ACP6: variants seen among roughly 807,000 people sequenced by gnomAD.
ACP6 encodes lysophosphatidic acid phosphatase type 6.
In ACP6, 48 loss-of-function variants were observed where a neutral mutation model predicts 48.1. That is an observed-to-expected ratio of 1.00 (90% confidence interval 0.79 to 1.27). The LOEUF (loss-of-function observed/expected upper bound fraction) is 1.27. Ranked by LOEUF, ACP6 falls within the 50% of genes most tolerant of loss-of-function variation. The pLI, the probability that ACP6 is intolerant of heterozygous loss-of-function variation, is 0.00. For missense variants in ACP6, 485 were observed against 529.1 expected (o/e 0.92, Z 0.82); for synonymous variants, 172 against 204.2 (o/e 0.84, Z 1.34).
downstream of ACP6, among the ~76,000 whole-genome samples, chr1:147,638,524 A>T (rs1553208291): frequency 5.9e-5 from 9 of 152,298 alleles, no homozygotes; most frequent in Admixed American, 5.9e-4. Flanking sequence ...TTAAGCTGAG[A>T]TCTAAAATGA....
At chr1:147,652,752 G>GTAA in intron 6 of ACP6, 7 of 372,028 alleles carry the variant, frequency 1.9e-5, no homozygotes, top group South Asian at 7.4e-5. Flanking sequence ...CTGAAGGCCA[G>GTAA]GAAAAAAAAA....
chr1:147,649,547 C>G (rs1659804682), intron 8 of ACP6, among the ~76,000 whole-genome samples: 3 of 151,894 alleles, frequency 2.0e-5, no homozygotes, highest in Admixed American at 6.6e-5. Flanking sequence ...TGGGTTCAAG[C>G]AACTCTCCTG....
At chr1:147,663,785 G>C (rs1484115459) in intron 1 of ACP6, among the ~76,000 whole-genome samples, 1 of 152,048 alleles carries the variant, frequency 6.6e-6, no homozygotes, top group Non-Finnish European at 1.5e-5. Context: ...TGCTTGGAGG[G>C]ACTCCTGTTC....
Position 147,670,142 on chromosome 1 carries a change from C to G in ACP6, c.-94G>C. ...GGGGCTCAGCGGGCGCCCCCAAGTC[C>G]GCGGGAACCTGCGGATGCGTACATC... On this transcript the variant is annotated 5_prime_UTR_variant, in exon 1 of 10. Transcript: ENST00000583509. 1 of 1,218,730 alleles carries G rather than the reference C, an allele frequency of 8.2e-7. No homozygotes were observed. The allele number at this position is 1,218,730 out of a possible 1,614,324, so 75.5% of individuals were successfully genotyped here. A position where few individuals can be genotyped will look rare whatever the true frequency, so the allele number is the denominator to read the frequency against.
At chr1:147,652,183 A>G in intron 7 of ACP6, 1 of 399,710 alleles carries the variant, frequency 2.5e-6, no homozygotes, top group Non-Finnish European at 4.5e-6. Flanking sequence ...TAAACCTTAA[A>G]GCAAAAGGAA....
chr1:147,670,139 G>C lies in ACP6; in HGVS notation c.-91C>G. ...GCCGGGGCTCAGCGGGCGCCCCCAAGTCCGCGGGAACCTGCGGATGCGTAC... is the reference window on the plus strand; with the variant it reads ...GCCGGGGCTCAGCGGGCGCCCCCAACTCCGCGGGAACCTGCGGATGCGTAC... On this transcript the variant is annotated 5_prime_UTR_variant, in exon 1 of 10. Coordinates refer to ENST00000583509, the MANE Select transcript of ACP6 (RefSeq NM_016361.5). 1 of 1,267,164 alleles carries C rather than the reference G, an allele frequency of 7.9e-7. No homozygotes were observed. The highest frequency in any genetic ancestry group is 1.1e-6 in the Non-Finnish European group (1 of 948,398). 78.5% of individuals were successfully genotyped at this position (1,267,164 alleles called of 1,614,324 possible).
At position 147,657,862 on chromosome 1, in the gene ACP6, C is replaced by T. The variant is rs1035833046; in HGVS notation, c.559+1098G>A. Among the ~76,000 whole-genome samples the T allele has an allele frequency of 5.9e-5, 9 of 152,370 alleles. No individual in the cohort carries two copies. In the South Asian group the frequency reaches 1.7e-3, roughly 28 times the overall value. ...CACCTGCACCTGAGGCTAGTGATTT[C>T]CTTCCCTGATGGAAACCTGGGATAT... On this transcript the variant is annotated intron_variant, in intron 4 of 9. Coordinates refer to ENST00000583509, the MANE Select transcript of ACP6 (RefSeq NM_016361.5).
At chr1:147,638,880 A>T (rs782603034), downstream of ACP6, among the ~76,000 whole-genome samples, 2 of 152,216 alleles carry the variant, frequency 1.3e-5, no homozygotes, top group African/African-American at 2.4e-5. Flanking sequence ...TTTTTGAGAC[A>T]GAGTCTTGCT....
intron 4 of ACP6, 75 bp from the exon 5 acceptor site, chr1:147,655,323 T>A: frequency 9.1e-7 from 1 of 1,093,278 alleles, no homozygotes; most frequent in Non-Finnish European, 1.4e-6. Flanking sequence ...CCCCTTCTCT[T>A]TGTCTACAGA....
intron 5 of ACP6, among the ~76,000 whole-genome samples, chr1:147,633,859 G>A (rs1659232835): frequency 1.4e-5 from 2 of 140,650 alleles, no homozygotes; most frequent in African/African-American, 6.0e-5. Context: ...AAAAAATTGT[G>A]GTAAAAAAAT....
Position 147,650,061 on chromosome 1 carries a change from C to T in ACP6, c.977+82G>A, listed in dbSNP as rs587672456. On this transcript the variant is annotated intron_variant, in intron 8 of 9. Coordinates refer to ENST00000583509, the MANE Select transcript of ACP6 (RefSeq NM_016361.5). The stretch of plus-strand genomic sequence containing the variant: ...GTCACTGACAGCCTGGTTCTTGCCT[C>T]ACTAAGATTTGGGTTCCCTCCCTAC... 5 of 1,193,014 alleles carry T rather than the reference C, an allele frequency of 4.2e-6. No homozygotes were observed. The African/African-American group carries it at 6.2e-5, about 15-fold the overall frequency. The allele number at this position is 1,193,014 out of a possible 1,614,324, so 73.9% of individuals were successfully genotyped here.
rs138244724 is a variant in ACP6, at chr1:147,660,169, T to C, written c.220-394A>G. ...AATTTATAAGGAATTAATCTGGAGG[T>C]TTATATGCCCTATCCCAGCTTAAGG... On this transcript the variant is annotated intron_variant, in intron 1 of 9. Transcript: ENST00000583509. Among the ~76,000 whole-genome samples, 1,056 of 152,224 alleles carry C rather than the reference T, an allele frequency of 6.9e-3. 12 individuals are homozygous for C. The highest frequency in any genetic ancestry group is 0.024 in the African/African-American group (1,006 of 41,520).
rs1347617439 is a variant in ACP6, at chr1:147,645,802, C to T, written c.*1621G>A. ...GGAGAAGGAAAAGAGAACAGCAGTT[C>T]AAAGATGCAGAGAAAAAAGTTTAAG... On this transcript the variant is annotated 3_prime_UTR_variant, in exon 10 of 10. Coordinates refer to ENST00000583509, the MANE Select transcript of ACP6 (RefSeq NM_016361.5). The T allele has an allele frequency of 6.6e-6, 1 of 151,930 alleles. No homozygotes were observed. The highest frequency in any genetic ancestry group is 6.6e-5 in the Admixed American group (1 of 15,262). The allele number at this position is 151,930 out of a possible 1,614,324, so 9.4% of individuals were successfully genotyped here.
downstream of ACP6, among the ~76,000 whole-genome samples, chr1:147,637,621 C>G (rs376291771): frequency 2.0e-5 from 3 of 152,136 alleles, no homozygotes; most frequent in East Asian, 5.8e-4. Flanking sequence ...ACCAGGATAG[C>G]CATTGCACAT....
rs192809112 is a variant in ACP6 at position 147,670,490 on chromosome 1, C to T, written c.-442G>A. The T allele has an allele frequency of 6.5e-6, 1 of 154,522 alleles. No individual in the cohort carries two copies. Among genetic ancestry groups the T allele is most frequent in the Admixed American group, 6.5e-5 (1 of 15,498 alleles). The allele number at this position is 154,522 out of a possible 1,614,324, so 9.6% of individuals were successfully genotyped here. On this transcript the variant is annotated 5_prime_UTR_variant, in exon 1 of 10. Transcript: ENST00000583509. ...ACTTTTCTATAAGCAAGCTCCTACC[C>T]ACCTCCTCACCTACTCAGGGACCCG...
At chr1:147,649,468 C>T (rs1440632192) in intron 8 of ACP6, among the ~76,000 whole-genome samples, 1 of 148,180 alleles carries the variant, frequency 6.7e-6, no homozygotes, top group Non-Finnish European at 1.5e-5. Flanking sequence ...TTTTTTGAGA[C>T]AGAGCCTGGC....
intron 7 of ACP6, chr1:147,650,613 G>C (rs1659871879): frequency 5.5e-6 from 1 of 181,488 alleles, no homozygotes. Context: ...AATTCTAGAA[G>C]GCCCTTAGAA....
At chr1:147,657,090 G>A (rs1193954667) in intron 4 of ACP6, among the ~76,000 whole-genome samples, 1 of 152,186 alleles carries the variant, frequency 6.6e-6, no homozygotes, top group Non-Finnish European at 1.5e-5. Flanking sequence ...ACTGTGGAAT[G>A]ACTGTACTAA....
In ACP6 at chr1:147,652,480, T is replaced by C; in HGVS notation, c.850A>G (p.Thr284Ala). Residue 284 changes from threonine to alanine, a missense_variant, in exon 7 of 10, where the codon ACA becomes GCA. Coordinates refer to ENST00000583509, the MANE Select transcript of ACP6 (RefSeq NM_016361.5). ...TCCTTGGGCAGTATGTACAAGGATG[T>C]GTCCACAGCTCTCTGTTCGATCATC... is the stretch of plus-strand genomic sequence containing the variant. The part of the protein sequence containing the change: ...ARMIEQRAVD[T>A]SLYILPKEDR... 3 of 1,614,032 alleles carry C rather than the reference T, an allele frequency of 1.9e-6. No individual in the cohort carries two copies. The highest frequency in any genetic ancestry group is 2.5e-6 in the Non-Finnish European group (3 of 1,179,992).
Sources: gnomAD v4.1 joint callset for allele counts (sites outside exome capture counted in the v4.1 genomes callset) on GRCh38, gnomAD v4.1.1 for gene constraint, MANE v1.5 for transcripts, NCBI Gene and HGNC (gene_info 2026-07-23, HGNC 2026-07-21) for gene names.